CYP46A1: variants seen among roughly 807,000 people sequenced by gnomAD.
CYP46A1 encodes cholesterol 24-hydroxylase.
A neutral mutation model predicts 63.3 loss-of-function variants in CYP46A1; 20 were observed. The observed-to-expected ratio is 0.32, with a 90% CI of 0.22 to 0.46. The LOEUF (loss-of-function observed/expected upper bound fraction) is 0.46, where lower values mean the gene tolerates loss of function less well. Ranked by LOEUF, CYP46A1 falls within the 20% of genes least tolerant of loss-of-function variation. CYP46A1 has a pLI of 1.00. For missense variants in CYP46A1, 445 were observed against 670.8 expected, an observed-to-expected ratio of 0.66 and a Z score of 3.72; for synonymous variants, 268 against 273.6, an observed-to-expected ratio of 0.98 and a Z score of 0.20.
chr14:99,715,691 C>A, intron 7 of CYP46A1, 119 bp from the exon 8 acceptor site: 1 of 1,327,546 alleles, frequency 7.5e-7, no homozygotes, highest in Non-Finnish European at 1.0e-6. Context: ...TAGAATTTCT[C>A]ACATTCTACT....
At position 99,696,049 on chromosome 14, in the gene CYP46A1, A is replaced by T. The variant is rs77266926; in HGVS notation, c.283-3417A>T. On this transcript the variant is annotated intron_variant, in intron 3 of 14. Transcript: ENST00000261835. ...GTTTCTTATAGATAGCACACAGTTG[A>T]TTCTTGCTGTTTTATACAGTCTGAC... Among the ~76,000 whole-genome samples, 1,478 of 152,120 alleles carry T rather than the reference A, an allele frequency of 9.7e-3. 20 individuals carry two copies. The highest frequency in any genetic ancestry group is 0.034 in the African/African-American group (1,392 of 41,484).
At chr14:99,718,028 G>A (rs1214165254) in intron 9 of CYP46A1, 26 bp from the exon 10 acceptor site, 23 of 1,599,846 alleles carry the variant, frequency 1.4e-5, no homozygotes, top group Non-Finnish European at 1.9e-5. Context: ...CCCATGTGGA[G>A]CAACCACCGT....
At chr14:99,716,718 T>G (rs766173973) in intron 9 of CYP46A1, among the ~76,000 whole-genome samples, 8 of 152,230 alleles carry the variant, frequency 5.3e-5, no homozygotes, top group Non-Finnish European at 1.2e-4. Context: ...AGCTGTTTAT[T>G]TATTTGTGGT....
chr14:99,704,684 A>C (rs1489705429), intron 5 of CYP46A1, among the ~76,000 whole-genome samples: 2 of 152,184 alleles, frequency 1.3e-5, no homozygotes, highest in Non-Finnish European at 2.9e-5. Flanking sequence ...CTTAAATGAG[A>C]TTTTTTTAAA....
At chr14:99,690,966 C>T in intron 1 of CYP46A1, 115 bp from the exon 2 acceptor site, 2 of 967,096 alleles carry the variant, frequency 2.1e-6, no homozygotes, top group Non-Finnish European at 3.3e-6. Flanking sequence ...GCTGTAACCT[C>T]CCCATGCCTC....
At position 99,725,267 on chromosome 14, in the gene CYP46A1, G is replaced by A; in HGVS notation, c.1177-124G>A. The stretch of plus-strand genomic sequence containing the variant: ...GACACCAACCTAGATGAGGGGTGAA[G>A]ACATGGGGGGAGGAGAGTGGGACCC... On this transcript the variant is annotated intron_variant, in intron 12 of 14. Transcript: ENST00000261835. The surrounding 1 kb of genome is among the most constrained non-coding windows in gnomAD (Gnocchi z 4.2). The A allele has an allele frequency of 1.4e-6, 1 of 706,336 alleles. No homozygotes were observed. The highest frequency in any genetic ancestry group is 2.6e-5 in the East Asian group (1 of 38,900). 43.8% of individuals were successfully genotyped at this position (706,336 alleles called of 1,614,324 possible). A position where few individuals can be genotyped will look rare whatever the true frequency, so the allele number is the denominator to read the frequency against.
In CYP46A1 at chr14:99,725,546, GT is replaced by G; in HGVS notation, c.1265+68del. 7.9e-7 allele frequency: 1 copy of G among 1,262,380 alleles called. No homozygotes were observed. The highest frequency in any genetic ancestry group is 1.2e-6 in the Non-Finnish European group (1 of 863,820). 78.2% of individuals were successfully genotyped at this position (1,262,380 alleles called of 1,614,324 possible). ...AGAAGGACAGACACAGCGGCCTCTGGTCTGAGCCAGAGGCACCCACTCAGCC... is the reference window on the plus strand; with the variant it reads ...AGAAGGACAGACACAGCGGCCTCTGGCTGAGCCAGAGGCACCCACTCAGCC... On this transcript the variant is annotated intron_variant, in intron 13 of 14. Transcript: ENST00000261835. This position sits in a 1 kb window ranked among gnomAD's most constrained non-coding sequence, Gnocchi z 4.2.
chr14:99,706,612 G>T, intron 5 of CYP46A1, 35 bp from the exon 6 acceptor site: 1 of 1,610,954 alleles, frequency 6.2e-7, no homozygotes, highest in Non-Finnish European at 8.5e-7. Context: ...TATTGGGCTG[G>T]CCAGTGGCCG....
Position 99,706,735 on chromosome 14 carries a change from G to A in CYP46A1, c.532G>A (p.Val178Met). ...LEAKADGQTPVSMQDMLTYTA... is the reference protein window; with the variant it reads ...LEAKADGQTPMSMQDMLTYTA... ...AGCCAAGGCAGATGGGCAGACCCCA[G>A]TGTCCATGCAGGACATGCTGACCTA... The change falls in exon 6 of 15, where the codon GTG (valine) becomes ATG (methionine). Residue 178 changes from valine (V) to methionine (M), a missense_variant. By Grantham distance (21) the Val-to-Met change is conservative. Around this residue, in one of 4 missense-constraint regions of CYP46A1, gnomAD observed 252 missense variants for 383.3 expected, o/e 0.66. Transcript: ENST00000261835. 1 of 1,613,686 alleles carries A rather than the reference G, an allele frequency of 6.2e-7. No homozygotes were observed. Among genetic ancestry groups the A allele is most frequent in the Middle Eastern group, 1.8e-4 (1 of 5,702 alleles).
At position 99,722,635 on chromosome 14, in the gene CYP46A1, T is replaced by C. The variant is rs1203727026; in HGVS notation, c.1176+569T>C. On this transcript the variant is annotated intron_variant, in intron 12 of 14. Coordinates refer to ENST00000261835, the MANE Select transcript of CYP46A1 (RefSeq NM_006668.2). The surrounding 1 kb of genome is among the most constrained non-coding windows in gnomAD (Gnocchi z 4.6). Reference sequence around the variant, plus strand: ...GAATCACTAATCTGAATTGTGTGTTTGCCATTCCCGTGTGTGTGTGTGTGT... The same window carrying C: ...GAATCACTAATCTGAATTGTGTGTTCGCCATTCCCGTGTGTGTGTGTGTGT... Among the ~76,000 whole-genome samples, 1 of 105,678 alleles carries C rather than the reference T, an allele frequency of 9.5e-6. No individual in the cohort carries two copies. Among genetic ancestry groups the C allele is most frequent in the Non-Finnish European group, 2.2e-5 (1 of 44,982 alleles). 69.3% of individuals were successfully genotyped at this position (105,678 alleles called of 152,430 possible).
At chr14:99,691,985 A>C in intron 3 of CYP46A1, 124 bp downstream of exon 3, 5 of 908,672 alleles carry the variant, frequency 5.5e-6, no homozygotes, top group Non-Finnish European at 8.6e-6. Flanking sequence ...CTGGTTTCCC[A>C]AAGATCCAGA....
intron 3 of CYP46A1, among the ~76,000 whole-genome samples, chr14:99,695,911 G>A (rs1207200221): frequency 2.6e-5 from 4 of 152,048 alleles, no homozygotes; most frequent in African/African-American, 7.2e-5. Flanking sequence ...GATTACAGGC[G>A]TGAGCCACCA....
intron 10 of CYP46A1, among the ~76,000 whole-genome samples, chr14:99,718,366 G>A (rs943640229): frequency 4.6e-5 from 7 of 152,074 alleles, no homozygotes; most frequent in Admixed American, 2.0e-4. Flanking sequence ...GCCACCCCAC[G>A]TTTCCCCTCC....
rs774109124 is a variant in CYP46A1, at chr14:99,718,035, C to T, written c.908-19C>T. 1 of 1,608,340 alleles carries T rather than the reference C, an allele frequency of 6.2e-7. No homozygotes were observed. The highest frequency in any genetic ancestry group is 8.5e-7 in the Non-Finnish European group (1 of 1,175,122). ...CCTGTGGCCCCATGTGGAGCAACCA[C>T]CGTCCTCCCTTCCCACAGGTCACGA... On this transcript the variant is annotated intron_variant, in intron 9 of 14. Transcript: ENST00000261835.
At chr14:99,713,201 TG>T (rs1342638571) in intron 7 of CYP46A1, 1 of 150,908 alleles carries the variant, frequency 6.6e-6, no homozygotes, top group Non-Finnish European at 1.5e-5. Flanking sequence ...GAGGCCAAGA[TG>T]GGCGGATCAC....
At chr14:99,685,241 C>T (rs1215143766) in intron 1 of CYP46A1, among the ~76,000 whole-genome samples, 2 of 151,730 alleles carry the variant, frequency 1.3e-5, no homozygotes, top group Non-Finnish European at 1.5e-5. Flanking sequence ...TCAGAACCCA[C>T]TCTGCAGCTT....
At chr14:99,726,142 G>A in intron 13 of CYP46A1, 48 bp from the exon 14 acceptor site, 1 of 1,532,636 alleles carries the variant, frequency 6.5e-7, no homozygotes, top group Non-Finnish European at 9.0e-7. Context: ...TTGTTCCTGT[G>A]GGGACGCCTG....
chr14:99,688,865 G>T (rs2056519168), intron 1 of CYP46A1, among the ~76,000 whole-genome samples: 3 of 151,964 alleles, frequency 2.0e-5, no homozygotes, highest in Admixed American at 6.6e-5. Context: ...GTCTGACCTG[G>T]CCCCCAGCAG....
intron 3 of CYP46A1, among the ~76,000 whole-genome samples, chr14:99,695,875 C>A (rs1029152508): frequency 6.6e-6 from 1 of 152,136 alleles, no homozygotes; most frequent in African/African-American, 2.4e-5. Flanking sequence ...AAGTGATCTG[C>A]CCACCTCAGC....
Sources: gnomAD v4.1 joint callset for allele counts (sites outside exome capture counted in the v4.1 genomes callset) on GRCh38, gnomAD v4.1.1 for gene constraint, gnomAD v4.1.1 regional missense constraint, Gnocchi (gnomAD v3.1) non-coding constraint, MANE v1.5 for transcripts, NCBI Gene and HGNC (gene_info 2026-07-23, HGNC 2026-07-21) for gene names.